The following MAGI1 variants were observed in gnomAD, a reference collection of about 807,000 sequenced individuals.
MAGI1 encodes membrane-associated guanylate kinase, WW and PDZ domain-containing protein 1.
MAGI1 carries 58 observed loss-of-function variants against 139.9 expected under a neutral mutation model. That is an observed-to-expected ratio of 0.41 (90% confidence interval 0.34 to 0.52). The LOEUF is 0.52. Among genes scored for constraint, MAGI1 ranks in the 20% least tolerant of loss-of-function variants. The pLI, the probability that MAGI1 is intolerant of heterozygous loss-of-function variation, is 0.12. For missense variants in MAGI1, 1,874 were observed against 1,901.6 expected, an observed-to-expected ratio of 0.99 and a Z score of 0.27; for synonymous variants, 812 against 737.9, an observed-to-expected ratio of 1.10 and a Z score of -1.63.
At chr3:65,883,497 T>C (rs992933204) in intron 1 of MAGI1, among the ~76,000 whole-genome samples, 7 of 152,214 alleles carry the variant, frequency 4.6e-5, no homozygotes, top group Admixed American at 1.3e-4. Flanking sequence ...TAACAAAGAC[T>C]TAGCTCTGGA....
chr3:65,604,575 A>C (rs1291926124), intron 2 of MAGI1, among the ~76,000 whole-genome samples: 3 of 152,168 alleles, frequency 2.0e-5, no homozygotes. Flanking sequence ...CTTCACAGTT[A>C]TTTATATATT....
At chr3:65,359,460 G>A in intron 22 of MAGI1, 2 of 1,140,404 alleles carry the variant, frequency 1.8e-6, no homozygotes. Flanking sequence ...CTGGAACAAT[G>A]ACAGGCTGGC....
chr3:65,636,903 C>T (rs553046419), intron 1 of MAGI1, among the ~76,000 whole-genome samples: 64 of 152,222 alleles, frequency 4.2e-4, no homozygotes, highest in African/African-American at 1.3e-3. Flanking sequence ...CAGACCCAGC[C>T]GACCAAATCT....
At chr3:65,671,567 G>T (rs1234238862) in intron 1 of MAGI1, among the ~76,000 whole-genome samples, 1 of 152,108 alleles carries the variant, frequency 6.6e-6, no homozygotes, top group Non-Finnish European at 1.5e-5. Flanking sequence ...TATTTTTAAT[G>T]GGTTAAAAAT....
At chr3:65,776,585 C>CCAGGCAGCTG (rs2038453224) in intron 1 of MAGI1, among the ~76,000 whole-genome samples, 1 of 152,088 alleles carries the variant, frequency 6.6e-6, no homozygotes, top group Non-Finnish European at 1.5e-5. Flanking sequence ...ATCTGGTTTT[C>CCAGGCAGCTG]CAGGCAGCTG....
intron 12 of MAGI1, among the ~76,000 whole-genome samples, chr3:65,411,040 C>A (rs545965740): frequency 2.6e-5 from 4 of 152,162 alleles, no homozygotes; most frequent in Non-Finnish European, 5.9e-5. Flanking sequence ...GAAAAAGAAC[C>A]GTTAACTTAA....
intron 1 of MAGI1, among the ~76,000 whole-genome samples, chr3:65,846,055 T>C (rs546417224): frequency 1.3e-5 from 2 of 152,338 alleles, no homozygotes; most frequent in Admixed American, 1.3e-4. Flanking sequence ...CACTTGTTAC[T>C]TGGCAACAAC....
intron 7 of MAGI1, 32 bp from the exon 8 acceptor site, chr3:65,442,881 G>T: frequency 6.4e-7 from 1 of 1,567,726 alleles, no homozygotes; most frequent in Non-Finnish European, 8.8e-7. Flanking sequence ...AGGGCAAGAA[G>T]AGCATATTCT....
chr3:65,825,913 G>A (rs978922672), intron 1 of MAGI1, among the ~76,000 whole-genome samples: 10 of 152,080 alleles, frequency 6.6e-5, no homozygotes, highest in Admixed American at 2.6e-4. Context: ...GCTTGAACCC[G>A]GGAGGCAGAG....
At chr3:65,521,291 A>T (rs890235103) in intron 2 of MAGI1, among the ~76,000 whole-genome samples, 4 of 151,502 alleles carry the variant, frequency 2.6e-5, no homozygotes, top group Admixed American at 2.6e-4. Flanking sequence ...AGAAGCAATA[A>T]AATTCTGACC....
At chr3:65,394,685 T>TC (rs1011336976) in intron 13 of MAGI1, among the ~76,000 whole-genome samples, 3 of 151,568 alleles carry the variant, frequency 2.0e-5, no homozygotes, top group African/African-American at 4.8e-5. Context: ...CAAAGTAATT[T>TC]TTTTTTTATT....
intron 2 of MAGI1, among the ~76,000 whole-genome samples, chr3:65,543,757 G>GT (rs1178817044): frequency 6.8e-6 from 1 of 146,054 alleles, no homozygotes; most frequent in Non-Finnish European, 1.5e-5. Flanking sequence ...GTCAGGGATG[G>GT]GGGGGGGTAC....
At chr3:65,510,027 G>C (rs59354508) in intron 2 of MAGI1, among the ~76,000 whole-genome samples, 55,674 of 151,642 alleles carry the variant, frequency 0.37, 11,511 homozygotes, top group East Asian at 0.75. Context: ...CTGGGAGGCA[G>C]CCCCCAGCAG....
intron 1 of MAGI1, among the ~76,000 whole-genome samples, chr3:65,716,939 G>A (rs901679958): frequency 2.0e-5 from 3 of 152,170 alleles, no homozygotes; most frequent in African/African-American, 7.2e-5. Context: ...AATGTTGTAG[G>A]CAGAATAATG....
At chr3:65,370,854 G>A (rs112092684) in intron 18 of MAGI1, among the ~76,000 whole-genome samples, 7,810 of 152,206 alleles carry the variant, frequency 0.051, 643 homozygotes, top group East Asian at 0.3. Context: ...ACGACGTCTC[G>A]CTATGTTGCC....
At chr3:65,485,350 G>A (rs1182984451) in intron 3 of MAGI1, among the ~76,000 whole-genome samples, 1 of 152,078 alleles carries the variant, frequency 6.6e-6, no homozygotes, top group Non-Finnish European at 1.5e-5. Context: ...GTTTGTTCTT[G>A]CCAGTGCCAT....
intron 1 of MAGI1, among the ~76,000 whole-genome samples, chr3:65,857,879 G>A (rs1005954058): frequency 6.6e-6 from 1 of 152,064 alleles, no homozygotes; most frequent in Non-Finnish European, 1.5e-5. Flanking sequence ...AAGAAGGGGG[G>A]GAACAAATGG....
At chr3:65,440,085 C>A (rs1948165740) in intron 8 of MAGI1, 73 bp from the exon 9 acceptor site, 3 of 1,548,434 alleles carry the variant, frequency 1.9e-6, no homozygotes, top group South Asian at 1.1e-5. Context: ...CAGACCAAGT[C>A]CCTGGAATCA....
intron 1 of MAGI1, among the ~76,000 whole-genome samples, chr3:65,836,800 AAGAGAGAG>A (rs757964797): frequency 1.3e-5 from 2 of 151,988 alleles, no homozygotes; most frequent in African/African-American, 4.8e-5. Context: ...GAAAAAGAGA[AAGAGAGAG>A]AGAGACAGAG....
Sources: allele counts gnomAD v4.1 joint callset (sites outside exome capture counted in the v4.1 genomes callset), GRCh38; gene constraint gnomAD v4.1.1; transcripts MANE v1.5; gene names NCBI Gene and HGNC (gene_info 2026-07-23, HGNC 2026-07-21).